Variants in ANAPC5 observed in about 807,000 individuals in gnomAD.
The protein encoded by ANAPC5 is anaphase promoting complex subunit 5, also known as anaphase-promoting complex subunit 5.
In ANAPC5, 60 loss-of-function variants were observed where a neutral mutation model predicts 91.3. That is an observed-to-expected ratio of 0.66 (90% confidence interval 0.53 to 0.81). The LOEUF (loss-of-function observed/expected upper bound fraction) is 0.81, where lower values mean the gene tolerates loss of function less well. ANAPC5 is among the 40% of genes least tolerant of loss of function. The pLI is 0.00. For missense variants in ANAPC5, 690 were observed against 931.5 expected (o/e 0.74, Z 3.37); for synonymous variants, 340 against 364.1 (o/e 0.93, Z 0.75).
At chr12:121,309,914 A>G in intron 15 of ANAPC5, 51 bp from the exon 16 acceptor site, 1 of 1,498,842 alleles carries the variant, frequency 6.7e-7, no homozygotes, top group Non-Finnish European at 9.0e-7. Context: ...ACTGCCCTTC[A>G]CCAGGAAGCG....
At chr12:121,339,869 T>TG (rs1903376829) in intron 5 of ANAPC5, among the ~76,000 whole-genome samples, 1 of 82,080 alleles carries the variant, frequency 1.2e-5, no homozygotes, top group African/African-American at 1.1e-4. Context: ...TTTCTTCCAG[T>TG]TTTTTTTTTT....
chr12:121,346,064 A>C, intron 3 of ANAPC5, 33 bp from the exon 4 acceptor site: 1 of 1,551,220 alleles, frequency 6.4e-7, no homozygotes, highest in Middle Eastern at 1.7e-4. Flanking sequence ...AGGGGAAAGC[A>C]TTAACTGACA....
intron 1 of ANAPC5, among the ~76,000 whole-genome samples, chr12:121,350,636 G>A (rs1049789465): frequency 6.7e-6 from 1 of 150,220 alleles, no homozygotes; most frequent in African/African-American, 2.4e-5. Flanking sequence ...AGCCGTGATC[G>A]TGCCACTGCA....
At chr12:121,324,502 A>G (rs531914298) in intron 11 of ANAPC5, among the ~76,000 whole-genome samples, 15 of 152,306 alleles carry the variant, frequency 9.8e-5, no homozygotes, top group African/African-American at 3.4e-4. Flanking sequence ...AATTATTAAT[A>G]TAGACCCAAA....
At position 121,318,336 on chromosome 12, in the gene ANAPC5, T is replaced by C. The variant is rs142727611; in HGVS notation, c.1834A>G (p.Lys612Glu). Residue 612 changes from lysine (K) to glutamate (E), a missense_variant, in exon 15 of 17, where the codon AAG becomes GAG. Around this residue, in one of 5 missense-constraint regions of ANAPC5, gnomAD observed 317 missense variants for 438.7 expected, o/e 0.72. Transcript: ENST00000261819. ...GCCAAGTACTGTAACCGGTACTCCT[T>C]GGAGAGGGCCAGAGCCTGCAGGAGC... Reference protein sequence around the residue: ...PMLLQALALSKEYRLQYLASE... With the variant: ...PMLLQALALSEEYRLQYLASE... The C allele has an allele frequency of 1.2e-6, 2 of 1,606,726 alleles. No homozygotes were observed. Among genetic ancestry groups the C allele is most frequent in the Non-Finnish European group, 1.7e-6 (2 of 1,177,304 alleles).
At chr12:121,337,584 T>C (rs1555273636) in intron 5 of ANAPC5, among the ~76,000 whole-genome samples, 192 bp from the exon 6 acceptor site, 1 of 152,046 alleles carries the variant, frequency 6.6e-6, no homozygotes, top group Non-Finnish European at 1.5e-5. Flanking sequence ...CCACATGCTC[T>C]CCTCTTGACC....
chr12:121,338,013 T>C (rs1903311231), intron 5 of ANAPC5, among the ~76,000 whole-genome samples: 1 of 152,128 alleles, frequency 6.6e-6, no homozygotes, highest in Non-Finnish European at 1.5e-5. Context: ...AAATTAAATG[T>C]TTACATTTAA....
chr12:121,321,959 G>A (rs1343251866), intron 11 of ANAPC5, among the ~76,000 whole-genome samples: 3 of 148,656 alleles, frequency 2.0e-5, no homozygotes, highest in East Asian at 2.0e-4. Context: ...TCTGCCTCCC[G>A]CGTTCAAGCG....
chr12:121,334,186 G>A (rs1302110700), intron 7 of ANAPC5: 1 of 152,220 alleles, frequency 6.6e-6, no homozygotes, highest in Non-Finnish European at 1.5e-5. Flanking sequence ...GGCTGAGATG[G>A]ACTGCTTGCT....
At chr12:121,328,020 G>A (rs547598603) in intron 10 of ANAPC5, 14 of 263,280 alleles carry the variant, frequency 5.3e-5, no homozygotes, top group Middle Eastern at 1.3e-3. Context: ...TGTTAACTGC[G>A]TTTGCGATCG....
chr12:121,347,682 T>C (rs1466042304), intron 2 of ANAPC5, 120 bp downstream of exon 2: 1 of 747,468 alleles, frequency 1.3e-6, no homozygotes, highest in Admixed American at 2.7e-5. Context: ...TAAAGGCTCT[T>C]GGGAAAACAA....
At position 121,352,289 on chromosome 12, in the gene ANAPC5, C is replaced by T. The variant is rs1903925829; in HGVS notation, c.52G>A (p.Val18Ile). ...ATGCCGAACACATTGGCGTGCACAA[C>T]CCCATTGGTCATCATGGGATTGAAG... ...LYFNPMMTNGVVHANVFGIKD... is the reference protein window; with the variant it reads ...LYFNPMMTNGIVHANVFGIKD... The change falls in exon 1 of 17, where the codon GTT becomes ATT. Residue 18 changes from valine to isoleucine, a missense_variant. This residue lies in a region of ANAPC5 where 238 missense variants were observed against 264.9 expected (regional missense o/e 0.90). Transcript: ENST00000261819. 2.5e-6 allele frequency: 4 copies of T among 1,613,552 alleles called. No homozygotes were observed. In the Admixed American group the frequency reaches 5.0e-5, roughly 20 times the overall value.
chr12:121,347,171 T>A, intron 2 of ANAPC5, 166 bp from the exon 3 acceptor site: 1 of 515,882 alleles, frequency 1.9e-6, no homozygotes, highest in Middle Eastern at 4.7e-4. Context: ...GTTACTCCCG[T>A]ATTTCTGAAA....
intron 12 of ANAPC5, 132 bp from the exon 13 acceptor site, chr12:121,319,950 A>G (rs547307338): frequency 1.1e-6 from 1 of 917,104 alleles, no homozygotes; most frequent in East Asian, 2.8e-5. Flanking sequence ...GGGGGGATTT[A>G]AAATTTTTTT....
At position 121,342,802 on chromosome 12, in the gene ANAPC5, C is replaced by T. The variant is rs540337231; in HGVS notation, c.591-733G>A. Among the ~76,000 whole-genome samples the T allele has an allele frequency of 4.1e-4, 62 of 152,082 alleles. No homozygotes were observed. The South Asian group carries it at 0.012, about 29-fold the overall frequency. ...TGATCCCGGGAGGTGGAGGTTGCAGCGAGCCAAGATCACGCCACTGCACTC... is the reference window on the plus strand; with the variant it reads ...TGATCCCGGGAGGTGGAGGTTGCAGTGAGCCAAGATCACGCCACTGCACTC... On this transcript the variant is annotated intron_variant, in intron 4 of 16. Coordinates refer to ENST00000261819, the MANE Select transcript of ANAPC5 (RefSeq NM_016237.5). The surrounding 1 kb of genome is among the most constrained non-coding windows in gnomAD (Gnocchi z 4.1).
intron 15 of ANAPC5, among the ~76,000 whole-genome samples, chr12:121,315,738 CTATATCCG>C (rs895065128): frequency 1.3e-5 from 2 of 152,020 alleles, no homozygotes; most frequent in African/African-American, 4.8e-5. Context: ...CTAGAATAAC[CTATATCCG>C]TATGCAGAAG....
Position 121,352,153 on chromosome 12 carries a change from A to G in ANAPC5, c.188T>C (p.Leu63Pro), listed in dbSNP as rs782665869. The G allele has an allele frequency of 6.2e-7, 1 of 1,610,380 alleles. No individual in the cohort carries two copies. Among genetic ancestry groups the G allele is most frequent in the East Asian group, 2.2e-5 (1 of 44,766 alleles). ...SLMERRRLNQLLLPLLQGPDI... is the reference protein window; with the variant it reads ...SLMERRRLNQPLLPLLQGPDI... ...TCTCACCTGCAGCAGGGGCAGGAGC[A>G]GCTGGTTGAGCCTCCGCCGCTCCAT... The change falls in exon 1 of 17, where the codon CTG becomes CCG. Residue 63 changes from leucine (L) to proline (P), a missense_variant. Coordinates refer to ENST00000261819, the MANE Select transcript of ANAPC5 (RefSeq NM_016237.5).
chr12:121,346,824 T>C (rs112534314), intron 3 of ANAPC5, 72 bp downstream of exon 3: 35 of 888,420 alleles, frequency 3.9e-5, no homozygotes, highest in African/African-American at 3.8e-4. Context: ...AGCAGAACAA[T>C]GATAGACATG....
chr12:121,312,045 CT>C (rs1203879270), intron 15 of ANAPC5, among the ~76,000 whole-genome samples: 1 of 152,110 alleles, frequency 6.6e-6, no homozygotes, highest in Non-Finnish European at 1.5e-5. Context: ...ATATGGAACA[CT>C]TTCCAGGATA....
Sources: allele counts gnomAD v4.1 joint callset (sites outside exome capture counted in the v4.1 genomes callset), GRCh38; gene constraint gnomAD v4.1.1; regional missense constraint gnomAD v4.1.1; non-coding constraint Gnocchi (gnomAD v3.1); transcripts MANE v1.5; gene names NCBI Gene and HGNC (gene_info 2026-07-23, HGNC 2026-07-21).